The following USP33 variants were observed in gnomAD, a reference collection of about 807,000 sequenced individuals.
The protein encoded by USP33 is ubiquitin specific peptidase 33, also known as ubiquitin carboxyl-terminal hydrolase 33.
USP33 carries 46 observed loss-of-function variants against 124.2 expected under a neutral mutation model. The observed-to-expected ratio is 0.37, with a 90% CI of 0.29 to 0.47. The LOEUF is 0.47. Ranked by LOEUF, USP33 falls within the 20% of genes least tolerant of loss-of-function variation. The pLI, the probability that USP33 is intolerant of heterozygous loss-of-function variation, is 0.99. For missense variants in USP33, 851 were observed against 1,070.6 expected (o/e 0.79, Z 2.86); for synonymous variants, 350 against 352.3 (o/e 0.99, Z 0.07).
intron 21 of USP33, among the ~76,000 whole-genome samples, chr1:77,707,631 T>A (rs1182795267): frequency 6.6e-6 from 1 of 152,174 alleles, no homozygotes; most frequent in African/African-American, 2.4e-5. Context: ...AGAAATTTAA[T>A]ACAGACAAGA....
chr1:77,736,544 T>C (rs1258261000), intron 5 of USP33, among the ~76,000 whole-genome samples: 1 of 152,190 alleles, frequency 6.6e-6, no homozygotes, highest in African/African-American at 2.4e-5. Flanking sequence ...GGCAAAAGTT[T>C]TTCATCATAA....
chr1:77,728,582 G>A lies in USP33; in HGVS notation c.848C>T (p.Ser283Leu), dbSNP rs753514995. Reference protein sequence around the residue: ...EETMEEDKSQSDVDFQSCESC... With the variant: ...EETMEEDKSQLDVDFQSCESC... ...TTCACAAGACTGAAAATCTACATCC[G>A]ACTGGCTCTTGTCTTCTTCCATTGT... Residue 283 changes from serine (S) to leucine (L), a missense_variant, in exon 10 of 24, where the codon TCG (serine) becomes TTG (leucine). Transcript: ENST00000370794. 6.8e-6 allele frequency: 11 copies of A among 1,614,030 alleles called. No homozygotes were observed. The highest frequency in any genetic ancestry group is 2.7e-5 in the African/African-American group (2 of 75,018).
chr1:77,747,605 A>G (rs1679873736), intron 1 of USP33, among the ~76,000 whole-genome samples: 1 of 152,128 alleles, frequency 6.6e-6, no homozygotes, highest in Admixed American at 6.5e-5. Flanking sequence ...TAATGCCAAT[A>G]CTGTTATTAA....
chr1:77,737,592 T>C (rs957416993), intron 5 of USP33, among the ~76,000 whole-genome samples: 26 of 152,342 alleles, frequency 1.7e-4, no homozygotes, highest in African/African-American at 6.3e-4. Flanking sequence ...ACCACTGTTT[T>C]CTTCTGAATA....
intron 4 of USP33, among the ~76,000 whole-genome samples, chr1:77,739,708 T>C (rs1678897246): frequency 6.6e-6 from 1 of 152,120 alleles, no homozygotes; most frequent in South Asian, 2.1e-4. Context: ...TACAAATAAA[T>C]ATAACACAAG....
intron 18 of USP33, 28 bp downstream of exon 18, chr1:77,715,714 C>T: frequency 1.9e-6 from 3 of 1,606,658 alleles, no homozygotes; most frequent in South Asian, 1.1e-5. Flanking sequence ...GAGAGATGTC[C>T]TTTCGCATCT....
At position 77,718,608 on chromosome 1, in the gene USP33, T is replaced by C. The variant is rs1676187207; in HGVS notation, c.1725A>G (p.Gln575=). ...LRNGVKFCKV[Q]NFPEILCIHL... ...ATAATGCCCATACCTCAGGAAAGTT[T>C]TGTACTTTACAAAACTTCACTCCAT... The change falls in exon 16 of 24, where the codon CAA becomes CAG. Residue 575 remains glutamine, a synonymous_variant. Coordinates refer to ENST00000370794, the MANE Select transcript of USP33 (RefSeq NM_201624.3). The C allele has an allele frequency of 1.2e-6, 2 of 1,608,124 alleles. No individual in the cohort carries two copies. The highest frequency in any genetic ancestry group is 1.3e-5 in the African/African-American group (1 of 74,640).
intron 10 of USP33, 36 bp from the exon 11 acceptor site, chr1:77,725,798 A>G: frequency 1.9e-6 from 3 of 1,558,204 alleles, no homozygotes; most frequent in Non-Finnish European, 2.6e-6. Context: ...TACCTTAAAT[A>G]GTAAAATTAT....
intron 1 of USP33, among the ~76,000 whole-genome samples, chr1:77,742,579 C>T (rs1570843493): frequency 6.7e-6 from 1 of 148,224 alleles, no homozygotes; most frequent in African/African-American, 2.5e-5. Flanking sequence ...CTTTACTGAT[C>T]CACAGTGTTT....
intron 22 of USP33, 126 bp downstream of exon 22, chr1:77,701,243 A>G (rs1673981069): frequency 3.2e-6 from 2 of 628,946 alleles, no homozygotes; most frequent in Admixed American, 5.7e-5. Context: ...AAGATCCCTG[A>G]GGACAGGATC....
In USP33 at chr1:77,697,264, A is replaced by C. The variant is rs776235721; in HGVS notation, c.*53T>G. The C allele has an allele frequency of 9.5e-6, 14 of 1,469,500 alleles. No individual in the cohort carries two copies. Among genetic ancestry groups the C allele is most frequent in the Non-Finnish European group, 1.3e-5 (14 of 1,095,410 alleles). The allele number at this position is 1,469,500 out of a possible 1,614,324, so 91.0% of individuals were successfully genotyped here. A position where few individuals can be genotyped will look rare whatever the true frequency, so the allele number is the denominator to read the frequency against. On this transcript the variant is annotated 3_prime_UTR_variant, in exon 24 of 24. Transcript: ENST00000370794. ...TTTAGGAATGTTTTCGCATGTGTAC[A>C]TGTCAGGGCACATGAAAATGATTCC...
At chr1:77,732,619 C>T (rs1007992422) in intron 7 of USP33, among the ~76,000 whole-genome samples, 1 of 152,038 alleles carries the variant, frequency 6.6e-6, no homozygotes, top group Non-Finnish European at 1.5e-5. Flanking sequence ...TCATTCAGCC[C>T]TATGATTACT....
chr1:77,738,528 T>C (rs1232439995), intron 5 of USP33, among the ~76,000 whole-genome samples: 1 of 152,034 alleles, frequency 6.6e-6, no homozygotes, highest in African/African-American at 2.4e-5. Flanking sequence ...TCACCTAGGC[T>C]GGAGTGCAGT....
At chr1:77,725,542 C>T in intron 11 of USP33, 80 bp downstream of exon 11, 3 of 1,483,020 alleles carry the variant, frequency 2.0e-6, no homozygotes, top group Admixed American at 2.2e-5. Flanking sequence ...ATAATTAACA[C>T]TTTAAATTAT....
Position 77,732,072 on chromosome 1 carries a change from C to G in USP33, c.525-1341G>C, listed in dbSNP as rs180824670. Among the ~76,000 whole-genome samples, 3 of 151,408 alleles carry G rather than the reference C, an allele frequency of 2.0e-5. No homozygotes were observed. The East Asian group carries it at 5.8e-4, about 29-fold the overall frequency. On this transcript the variant is annotated intron_variant, in intron 7 of 23. Transcript: ENST00000370794. Reference sequence around the variant, plus strand: ...TGAGCCATGATCGCTCCACTACACTCCAGCCTGGGTGACAGAGTAAGACCC... The same window carrying G: ...TGAGCCATGATCGCTCCACTACACTGCAGCCTGGGTGACAGAGTAAGACCC...
intron 18 of USP33, among the ~76,000 whole-genome samples, chr1:77,715,365 C>T (rs1316522876): frequency 6.6e-6 from 1 of 152,128 alleles, no homozygotes; most frequent in African/African-American, 2.4e-5. Context: ...TGCCACCACA[C>T]CTGACTAATT....
rs913097558 is a variant in USP33, at chr1:77,721,045, T to C, written c.1691+127A>G. ...TCACAAAACAGCTAATCTCTATTAT[T>C]ACTAGGATAAACCTTTCTGGCCTAC... is the stretch of plus-strand genomic sequence containing the variant. On this transcript the variant is annotated intron_variant, in intron 15 of 23. Transcript: ENST00000370794. 6.0e-6 allele frequency: 6 copies of C among 993,486 alleles called. No homozygotes were observed. In the Admixed American group the frequency reaches 7.4e-5, roughly 12 times the overall value. 61.5% of individuals were successfully genotyped at this position (993,486 alleles called of 1,614,324 possible).
In USP33 at chr1:77,729,369, T is replaced by TAAAA. The variant is rs1167126986; in HGVS notation, c.717+487_717+490dup. Among the ~76,000 whole-genome samples, 250 of 115,476 alleles carry TAAAA rather than the reference T, an allele frequency of 2.2e-3. 1 individual carries two copies. Among genetic ancestry groups the TAAAA allele is most frequent in the Non-Finnish European group, 3.8e-3 (210 of 54,668 alleles). The allele number at this position is 115,476 out of a possible 152,430, so 75.8% of individuals were successfully genotyped here. ...CAACATAATGAGACATTATCTCTCT[T>TAAAA]AAAAAAAAAAAAAAAAAAAAGGCTG... is the stretch of plus-strand genomic sequence containing the variant. On this transcript the variant is annotated intron_variant, in intron 9 of 23. Coordinates refer to ENST00000370794, the MANE Select transcript of USP33 (RefSeq NM_201624.3).
Position 77,701,353 on chromosome 1 carries a change from T to C in USP33, c.2509+16A>G, listed in dbSNP as rs1673993081. The stretch of plus-strand genomic sequence containing the variant: ...AAATAATTTACCAAAAAAAAATTTT[T>C]CAGTCAACCACTTACCTCCATCTTT... On this transcript the variant is annotated intron_variant, in intron 22 of 23. Coordinates refer to ENST00000370794, the MANE Select transcript of USP33 (RefSeq NM_201624.3). The C allele has an allele frequency of 2.7e-5, 42 of 1,570,606 alleles. No homozygotes were observed. Among genetic ancestry groups the C allele is most frequent in the Non-Finnish European group, 3.6e-5 (42 of 1,163,780 alleles).
Sources: allele counts gnomAD v4.1 joint callset (sites outside exome capture counted in the v4.1 genomes callset), GRCh38; gene constraint gnomAD v4.1.1; transcripts MANE v1.5; gene names NCBI Gene and HGNC (gene_info 2026-07-23, HGNC 2026-07-21).